GPC6: variants seen among roughly 807,000 people sequenced by gnomAD.
GPC6 encodes glypican 6, also known as glypican-6.
Under a neutral mutation model 55.2 loss-of-function variants are expected in GPC6, and 14 were observed. The ratio of observed to expected loss-of-function variants is 0.25; its 90% CI spans 0.17 to 0.40. GPC6 has a LOEUF of 0.40. GPC6 is among the 10% of genes least tolerant of loss of function. The pLI is 1.00. For missense variants in GPC6, 641 were observed against 708.5 expected, an observed-to-expected ratio of 0.90 and a Z score of 1.08; for synonymous variants, 278 against 259.6, an observed-to-expected ratio of 1.07 and a Z score of -0.68.
intron 2 of GPC6, among the ~76,000 whole-genome samples, chr13:93,687,773 C>A (rs184493336): frequency 7.7e-6 from 1 of 130,548 alleles, no homozygotes; most frequent in Non-Finnish European, 1.7e-5. Flanking sequence ...AAGGCTACTA[C>A]GTATCATGAG....
intron 3 of GPC6, among the ~76,000 whole-genome samples, chr13:93,916,072 G>C (rs1877275761): frequency 1.3e-5 from 2 of 152,058 alleles, no homozygotes; most frequent in Non-Finnish European, 2.9e-5. Context: ...CATCACGGGA[G>C]TAGGCAGCCT....
chr13:94,102,597 G>C (rs12429989), intron 4 of GPC6, among the ~76,000 whole-genome samples: 47,483 of 151,124 alleles, frequency 0.31, 8,904 homozygotes, highest in Middle Eastern at 0.45. Flanking sequence ...TCCTCAGTAA[G>C]ACATAAATGT....
At chr13:93,392,725 C>T (rs1294927434) in intron 1 of GPC6, among the ~76,000 whole-genome samples, 1 of 152,128 alleles carries the variant, frequency 6.6e-6, no homozygotes, top group Non-Finnish European at 1.5e-5. Flanking sequence ...AATGTCTTCT[C>T]ACTTGGATTG....
chr13:94,080,883 A>G (rs1231988035), intron 4 of GPC6, among the ~76,000 whole-genome samples: 3 of 152,232 alleles, frequency 2.0e-5, no homozygotes, highest in Non-Finnish European at 4.4e-5. Context: ...GGAAGGATAC[A>G]AATCAGTTCA....
At chr13:93,218,114 C>CTTTT in the GPC6 span, among the ~76,000 whole-genome samples, 85 of 145,048 alleles carry the variant, frequency 5.9e-4, no homozygotes, top group African/African-American at 1.6e-3. Flanking sequence ...CTAGCTCAGA[C>CTTTT]TTTTTTTTTT....
At chr13:93,599,262 T>G (rs1877903196) in intron 2 of GPC6, among the ~76,000 whole-genome samples, 1 of 150,512 alleles carries the variant, frequency 6.6e-6, no homozygotes, top group Non-Finnish European at 1.5e-5. Flanking sequence ...TTTGAGATAT[T>G]ACTTAGAAAC....
intron 4 of GPC6, among the ~76,000 whole-genome samples, chr13:94,063,946 C>T (rs1884426933): frequency 6.6e-6 from 1 of 152,174 alleles, no homozygotes; most frequent in African/African-American, 2.4e-5. Flanking sequence ...TTAGACTTAA[C>T]ACCATGCACC....
intron 2 of GPC6, among the ~76,000 whole-genome samples, chr13:93,679,116 T>C (rs545181984): frequency 6.6e-6 from 1 of 152,262 alleles, no homozygotes; most frequent in South Asian, 2.1e-4. Context: ...GAACCTAGTG[T>C]TTTATGGCAT....
At chr13:93,623,000 A>G (rs116657881) in intron 2 of GPC6, among the ~76,000 whole-genome samples, 224 of 152,296 alleles carry the variant, frequency 1.5e-3, no homozygotes, top group African/African-American at 4.3e-3. Flanking sequence ...AATGAGTGAC[A>G]TCATGTAGTA....
At chr13:94,153,831 G>A (rs187849335) in intron 4 of GPC6, among the ~76,000 whole-genome samples, 283 of 152,250 alleles carry the variant, frequency 1.9e-3, no homozygotes, top group Non-Finnish European at 3.4e-3. Context: ...AAGATCCCCA[G>A]GTGATTCTTA....
chr13:94,038,921 C>A (rs1192763026), intron 4 of GPC6, among the ~76,000 whole-genome samples: 1 of 151,934 alleles, frequency 6.6e-6, no homozygotes, highest in Non-Finnish European at 1.5e-5. Flanking sequence ...ACTGAAGTGA[C>A]AAGAGTAGAA....
chr13:93,718,691 C>A, intron 2 of GPC6, among the ~76,000 whole-genome samples: 1 of 151,942 alleles, frequency 6.6e-6, no homozygotes, highest in East Asian at 1.9e-4. Context: ...ATTCATATGT[C>A]CTTAATGGTA....
the GPC6 span, among the ~76,000 whole-genome samples, chr13:93,217,150 G>A: frequency 3.3e-5 from 5 of 152,272 alleles, no homozygotes; most frequent in East Asian, 3.9e-4. Context: ...GGTGAAGTAC[G>A]TGTGATTCAT....
At chr13:93,429,728 C>G (rs1877284522) in intron 1 of GPC6, among the ~76,000 whole-genome samples, 1 of 152,070 alleles carries the variant, frequency 6.6e-6, no homozygotes, top group Non-Finnish European at 1.5e-5. Flanking sequence ...TTTTTTTCTT[C>G]TGGTCACCAT....
At chr13:93,688,719 C>T (rs935652375) in intron 2 of GPC6, among the ~76,000 whole-genome samples, 1 of 151,882 alleles carries the variant, frequency 6.6e-6, no homozygotes, top group African/African-American at 2.4e-5. Flanking sequence ...CTAGAGTGGG[C>T]AAATTCGTAG....
At chr13:93,590,877 GTTTT>G (rs1877431887) in intron 2 of GPC6, among the ~76,000 whole-genome samples, 1 of 151,976 alleles carries the variant, frequency 6.6e-6, no homozygotes, top group Non-Finnish European at 1.5e-5. Context: ...GACAGTTACT[GTTTT>G]TTAAAAAGGA....
chr13:93,621,297 T>G (rs1222533503), intron 2 of GPC6, among the ~76,000 whole-genome samples: 1 of 152,222 alleles, frequency 6.6e-6, no homozygotes, highest in Non-Finnish European at 1.5e-5. Context: ...GCCTTCACCT[T>G]ACTTAAAGGG....
intron 4 of GPC6, among the ~76,000 whole-genome samples, chr13:94,141,965 C>A (rs1430173812): frequency 6.6e-6 from 1 of 152,068 alleles, no homozygotes; most frequent in East Asian, 1.9e-4. Context: ...GTTGGTGTGA[C>A]CACATGGATG....
intron 1 of GPC6, among the ~76,000 whole-genome samples, chr13:93,373,977 T>C (rs554167640): frequency 1.5e-4 from 23 of 152,338 alleles, no homozygotes; most frequent in African/African-American, 5.5e-4. Flanking sequence ...GTGATTTCTA[T>C]ATAAAATATA....
Sources: allele counts gnomAD v4.1 joint callset (sites outside exome capture counted in the v4.1 genomes callset), GRCh38; gene constraint gnomAD v4.1.1; transcripts MANE v1.5; gene names NCBI Gene and HGNC (gene_info 2026-07-23, HGNC 2026-07-21).